The following KCNIP4 variants were observed in gnomAD, a reference collection of about 807,000 sequenced individuals.
The protein encoded by KCNIP4 is potassium voltage-gated channel interacting protein 4, also known as Kv channel-interacting protein 4.
KCNIP4 carries 12 observed loss-of-function variants against 34.0 expected under a neutral mutation model. The ratio of observed to expected loss-of-function variants is 0.35; its 90% CI spans 0.23 to 0.57. KCNIP4 has a LOEUF of 0.57. Ranked by LOEUF, KCNIP4 falls within the 20% of genes least tolerant of loss-of-function variation. The probability of loss-of-function intolerance (pLI) is 0.83; values close to 1 mark genes in which losing one functional copy is unlikely to be tolerated. For synonymous variants in KCNIP4, 124 were observed against 102.2 expected (o/e 1.21, Z -1.29); for missense variants, 238 against 311.7 (o/e 0.76, Z 1.78).
At chr4:21,231,019 G>T (rs987823885) in intron 1 of KCNIP4, among the ~76,000 whole-genome samples, 1 of 152,000 alleles carries the variant, frequency 6.6e-6, no homozygotes, top group Non-Finnish European at 1.5e-5. Context: ...AATTTATATG[G>T]TCTTACGCCA....
intron 1 of KCNIP4, among the ~76,000 whole-genome samples, chr4:21,855,124 C>A (rs1490313653): frequency 6.6e-6 from 1 of 152,176 alleles, no homozygotes; most frequent in East Asian, 1.9e-4. Context: ...AGAATCTTCC[C>A]CCTACAGGGA....
chr4:20,876,228 T>C (rs1266497776), intron 2 of KCNIP4, among the ~76,000 whole-genome samples: 1 of 152,120 alleles, frequency 6.6e-6, no homozygotes, highest in Non-Finnish European at 1.5e-5. Context: ...TTGTATTATT[T>C]CCTGACCATT....
In KCNIP4 at chr4:21,117,269, T is replaced by C. The variant is rs1271777476; in HGVS notation, c.62-234560A>G. Among the ~76,000 whole-genome samples the C allele has an allele frequency of 3.9e-5, 5 of 126,822 alleles. No homozygotes were observed. The Admixed American group carries it at 4.9e-4, about 12-fold the overall frequency. The allele number at this position is 126,822 out of a possible 152,430, so 83.2% of individuals were successfully genotyped here. On this transcript the variant is annotated intron_variant, in intron 1 of 8. Coordinates refer to ENST00000382152, the MANE Select transcript of KCNIP4 (RefSeq NM_025221.6). ...CAGGTCCCATCCCCAGAGTTTCTGA[T>C]GGATAGAAGATGTAGCCTGGCCGGG...
intron 1 of KCNIP4, among the ~76,000 whole-genome samples, chr4:21,765,370 G>A (rs1391770394): frequency 6.6e-6 from 1 of 151,964 alleles, no homozygotes; most frequent in Non-Finnish European, 1.5e-5. Context: ...ACTGCTCCAG[G>A]AGAAGGCAAT....
Position 21,714,489 on chromosome 4 carries a change from A to T in KCNIP4, c.61+234082T>A, listed in dbSNP as rs4697235. ...AGAGAGTCAGACACAGGGAGGAAGG[A>T]GATAGAGACAGGAGAGAAGGAAGAA... On this transcript the variant is annotated intron_variant, in intron 1 of 8. Transcript: ENST00000382152. Among the ~76,000 whole-genome samples the T allele has an allele frequency of 2.2e-3, 334 of 149,816 alleles. 1 individual carries two copies. Among genetic ancestry groups the T allele is most frequent in the Admixed American group, 4.7e-3 (70 of 15,022 alleles).
intron 1 of KCNIP4, among the ~76,000 whole-genome samples, chr4:21,220,436 C>A (rs1577908817): frequency 6.6e-6 from 1 of 152,054 alleles, no homozygotes; most frequent in South Asian, 2.1e-4. Context: ...GGAGGGATAG[C>A]GTTAGGAGAT....
intron 3 of KCNIP4, among the ~76,000 whole-genome samples, chr4:20,842,549 C>A (rs142864895): frequency 1.5e-4 from 17 of 114,968 alleles, no homozygotes; most frequent in African/African-American, 4.8e-4. Context: ...GTTGGATGAG[C>A]ATGTAAGGCA....
chr4:20,774,696 A>G (rs538111795), intron 3 of KCNIP4, among the ~76,000 whole-genome samples: 23 of 152,286 alleles, frequency 1.5e-4, no homozygotes, highest in African/African-American at 5.3e-4. Context: ...GTGACATTTA[A>G]AGAGGGACCT....
At chr4:21,009,943 G>T (rs1738924393) in intron 1 of KCNIP4, among the ~76,000 whole-genome samples, 2 of 152,202 alleles carry the variant, frequency 1.3e-5, no homozygotes, top group South Asian at 4.1e-4. Context: ...CAAAGACTGG[G>T]TGGCTTAAAC....
At chr4:21,227,310 A>G (rs1212090014) in intron 1 of KCNIP4, among the ~76,000 whole-genome samples, 1 of 152,190 alleles carries the variant, frequency 6.6e-6, no homozygotes, top group Non-Finnish European at 1.5e-5. Flanking sequence ...CTCGCAAACC[A>G]AAAGCACTTT....
intron 1 of KCNIP4, among the ~76,000 whole-genome samples, chr4:21,512,176 GGAAGGAACGAACGAAGGAAC>G (rs1560473270): frequency 1.4e-5 from 2 of 146,682 alleles, no homozygotes; most frequent in African/African-American, 2.6e-5. Context: ...GAGGGAGGAA[GGAAGGAACGAACGAAGGAAC>G]GAACGAAGGA....
intron 1 of KCNIP4, among the ~76,000 whole-genome samples, chr4:21,909,836 G>C (rs1728202488): frequency 6.6e-6 from 1 of 151,882 alleles, no homozygotes; most frequent in Admixed American, 6.6e-5. Context: ...AAGCAAAAGG[G>C]GTTTCCCCTT....
intron 1 of KCNIP4, chr4:21,718,502 G>A (rs567545771): frequency 6.6e-6 from 1 of 151,648 alleles, no homozygotes; most frequent in African/African-American, 2.4e-5. Flanking sequence ...GCAGGACGTG[G>A]AATTTTGTTA....
intron 1 of KCNIP4, among the ~76,000 whole-genome samples, chr4:21,512,442 T>A (rs112006186): frequency 0.015 from 2,326 of 152,320 alleles, 25 homozygotes; most frequent in Non-Finnish European, 0.022. Context: ...AGTCATTTTT[T>A]AATCAAATTT....
intron 1 of KCNIP4, among the ~76,000 whole-genome samples, chr4:20,960,533 A>C (rs1733747455): frequency 6.6e-6 from 1 of 152,188 alleles, no homozygotes; most frequent in African/African-American, 2.4e-5. Context: ...GCACCAGAAA[A>C]TATTTCACCT....
At chr4:21,291,550 T>C (rs1027807417) in intron 1 of KCNIP4, among the ~76,000 whole-genome samples, 2 of 151,994 alleles carry the variant, frequency 1.3e-5, no homozygotes, top group Admixed American at 1.3e-4. Flanking sequence ...TGCACCACCA[T>C]TAAAAATATC....
At chr4:21,890,565 G>C (rs1513566) in intron 1 of KCNIP4, among the ~76,000 whole-genome samples, 47,587 of 151,806 alleles carry the variant, frequency 0.31, 7,815 homozygotes, top group African/African-American at 0.42. Flanking sequence ...CCTTAAAAAT[G>C]TACAGGCAGC....
intron 1 of KCNIP4, among the ~76,000 whole-genome samples, chr4:21,716,416 T>A (rs1714383920): frequency 6.6e-6 from 1 of 151,960 alleles, no homozygotes; most frequent in Non-Finnish European, 1.5e-5. Flanking sequence ...TTTTGTATTT[T>A]GAGTAGAGAC....
chr4:21,083,789 C>T (rs560314653), intron 1 of KCNIP4, among the ~76,000 whole-genome samples: 1 of 152,018 alleles, frequency 6.6e-6, no homozygotes, highest in Non-Finnish European at 1.5e-5. Flanking sequence ...TAGTTTCTTA[C>T]AATAGTCACA....
Sources: allele counts gnomAD v4.1 joint callset (sites outside exome capture counted in the v4.1 genomes callset), GRCh38; gene constraint gnomAD v4.1.1; transcripts MANE v1.5; gene names NCBI Gene and HGNC (gene_info 2026-07-23, HGNC 2026-07-21).